Variants in ANKRD36 observed in about 807,000 individuals in gnomAD.
The protein encoded by ANKRD36 is ankyrin repeat domain-containing protein 36A.
Under a neutral mutation model 278.1 loss-of-function variants are expected in ANKRD36, and 179 were observed. The ratio of observed to expected loss-of-function variants is 0.64; its 90% CI spans 0.57 to 0.73. The LOEUF is 0.73. Ranked by LOEUF, ANKRD36 falls within the 30% of genes least tolerant of loss-of-function variation. The probability of loss-of-function intolerance (pLI) is 0.00; values close to 1 mark genes in which losing one functional copy is unlikely to be tolerated. For missense variants in ANKRD36, 1,159 were observed against 1,956.7 expected, an observed-to-expected ratio of 0.59 and a Z score of 7.69; for synonymous variants, 320 against 641.1, an observed-to-expected ratio of 0.50 and a Z score of 7.57.
chr2:97,191,119 A>C lies in ANKRD36; in HGVS notation c.2285A>C (p.Asp762Ala), dbSNP rs768248659. 3.1e-5 allele frequency: 50 copies of C among 1,597,886 alleles called. No individual in the cohort carries two copies. Among genetic ancestry groups the C allele is most frequent in the Non-Finnish European group, 1.0e-5 (12 of 1,172,372 alleles). The change falls in exon 36 of 76, where the codon GAT (aspartate) becomes GCT (alanine). Residue 762 changes from aspartate to alanine, a missense_variant. Physicochemically the swap from Asp to Ala is moderately radical, Grantham distance 126. Coordinates refer to ENST00000420699, the MANE Select transcript of ANKRD36 (RefSeq NM_001354587.1). Reference sequence around the variant, plus strand: ...TCAAATTCCATTCAGGCTACAACTGATGAGAAAGATTCTGTTTCGAACATA... The same window carrying C: ...TCAAATTCCATTCAGGCTACAACTGCTGAGAAAGATTCTGTTTCGAACATA... Reference protein sequence around the residue: ...QKQPALKATTDEKDSVSNIAT... With the variant: ...QKQPALKATTAEKDSVSNIAT...
chr2:97,237,205 A>G (rs1475656014), intron 68 of ANKRD36, among the ~76,000 whole-genome samples: 1 of 151,578 alleles, frequency 6.6e-6, no homozygotes, highest in East Asian at 2.0e-4. Context: ...TCCTGTCAAA[A>G]TTGAGAGGGA....
chr2:97,125,782 A>T (rs1389755926), intron 5 of ANKRD36, among the ~76,000 whole-genome samples: 1 of 151,914 alleles, frequency 6.6e-6, no homozygotes, highest in Non-Finnish European at 1.5e-5. Flanking sequence ...TTCGGATTCT[A>T]TTTCACAGGA....
In ANKRD36 at chr2:97,192,973, C is replaced by G; in HGVS notation, c.2377-8C>G. ...TTAATTTATTATTTCATTTGAAATTCCATTCAGGCTACAAGTGACGAGGAA... is the reference window on the plus strand; with the variant it reads ...TTAATTTATTATTTCATTTGAAATTGCATTCAGGCTACAAGTGACGAGGAA... On this transcript the variant is annotated splice_region_variant and splice_polypyrimidine_tract_variant and intron_variant, in intron 37 of 75. Transcript: ENST00000420699. 6.3e-7 allele frequency: 1 copy of G among 1,583,898 alleles called. No individual in the cohort carries two copies. Among genetic ancestry groups the G allele is most frequent in the Non-Finnish European group, 8.6e-7 (1 of 1,165,252 alleles).
chr2:97,198,644 A>C lies in ANKRD36; in HGVS notation c.2741A>C (p.Glu914Ala), dbSNP rs2060469366. ...ATAGCCAGAGGAAAAAAGGATGGAG[A>C]AAAAACTAAGAGAGGTAATTTTGAA... ...LNIARGKKDGEKTKRVSSRKK... is the reference protein window; with the variant it reads ...LNIARGKKDGAKTKRVSSRKK... The change falls in exon 44 of 76, where the codon GAA (glutamate) becomes GCA (alanine). Residue 914 changes from glutamate to alanine, a missense_variant. Glu to Ala is a moderately radical substitution (Grantham distance 107). Coordinates refer to ENST00000420699, the MANE Select transcript of ANKRD36 (RefSeq NM_001354587.1). 1 of 1,543,020 alleles carries C rather than the reference A, an allele frequency of 6.5e-7. No individual in the cohort carries two copies. The highest frequency in any genetic ancestry group is 1.4e-5 in the African/African-American group (1 of 72,744).
chr2:97,151,024 G>A lies in ANKRD36; in HGVS notation c.1102-855G>A, dbSNP rs568135219. Among the ~76,000 whole-genome samples, 11 of 141,516 alleles carry A rather than the reference G, an allele frequency of 7.8e-5. No homozygotes were observed. In the East Asian group the frequency reaches 1.7e-3, roughly 22 times the overall value. 92.8% of individuals were successfully genotyped at this position (141,516 alleles called of 152,430 possible). A position where few individuals can be genotyped will look rare whatever the true frequency, so the allele number is the denominator to read the frequency against. On this transcript the variant is annotated intron_variant, in intron 12 of 75. Transcript: ENST00000420699. The stretch of plus-strand genomic sequence containing the variant: ...AAGTATTTACACAAAACAAATTGTC[G>A]AGTAAATGCTAACCAGTATTATTAG...
chr2:97,181,783 A>G lies in ANKRD36; in HGVS notation c.1827A>G (p.Gln609=), dbSNP rs1171477131. ...NIATEIKKGQ[Q]SGTVSPQKQS... is the part of the protein sequence containing the mutation. ...CCACAGAAATAAAGAAGGGACAACA[A>G]TCTGGGACAGGTAATTTTGCAAAAC... Residue 609 remains glutamine (Q), a synonymous_variant, in exon 26 of 76, where the codon CAA becomes CAG. Coordinates refer to ENST00000420699, the MANE Select transcript of ANKRD36 (RefSeq NM_001354587.1). 6.2e-7 allele frequency: 1 copy of G among 1,608,776 alleles called. No homozygotes were observed. Among genetic ancestry groups the G allele is most frequent in the Non-Finnish European group, 8.5e-7 (1 of 1,178,060 alleles).
chr2:97,157,918 T>A (rs1163603669), intron 15 of ANKRD36, among the ~76,000 whole-genome samples, 189 bp from the exon 16 acceptor site: 1 of 151,976 alleles, frequency 6.6e-6, no homozygotes, highest in Admixed American at 6.6e-5. Context: ...TTTGAGAATA[T>A]CTGTATCACC....
At chr2:97,211,889 AC>A in intron 58 of ANKRD36, 148 bp downstream of exon 58, 1 of 1,111,582 alleles carries the variant, frequency 9.0e-7, no homozygotes, top group Non-Finnish European at 1.3e-6. Context: ...TTCTCGGGTG[AC>A]CCTGATGCTG....
In ANKRD36 at chr2:97,191,389, T is replaced by TGG. The variant is rs561268344; in HGVS notation, c.2347+208_2347+209insGG. On this transcript the variant is annotated intron_variant, in intron 36 of 75. Transcript: ENST00000420699. ...CAGTAAGATTATACACTTCCCCACA[T>TGG]TCAAATTTGGAAGAAGAAATATGGA... Among the ~76,000 whole-genome samples, 146 of 151,812 alleles carry TGG rather than the reference T, an allele frequency of 9.6e-4. 1 individual carries two copies. Among genetic ancestry groups the TGG allele is most frequent in the Middle Eastern group, 6.8e-3 (2 of 294 alleles).
At chr2:97,126,762 A>G (rs891715423) in intron 5 of ANKRD36, among the ~76,000 whole-genome samples, 5 of 151,714 alleles carry the variant, frequency 3.3e-5, no homozygotes, top group African/African-American at 1.2e-4. Flanking sequence ...AACTTGTTTA[A>G]GAGCAAATAC....
chr2:97,197,169 G>T (rs1351627904), intron 42 of ANKRD36, among the ~76,000 whole-genome samples: 1 of 151,878 alleles, frequency 6.6e-6, no homozygotes, highest in Non-Finnish European at 1.5e-5. Context: ...CAGAAAACTT[G>T]TTGTAATAAC....
Position 97,209,836 on chromosome 2 carries a change from G to A in ANKRD36, c.3331G>A (p.Ala1111Thr), listed in dbSNP as rs182774301. The change falls in exon 56 of 76, where the codon GCC becomes ACC. Residue 1111 changes from alanine (A) to threonine (T), a missense_variant. Ala to Thr is a moderately conservative substitution (Grantham distance 58). Transcript: ENST00000420699. Reference protein sequence around the residue: ...SDEKDSVLYIAREKKDGEKSR... With the variant: ...SDEKDSVLYITREKKDGEKSR... ...CGAGAAAGATTCTGTTTTGTATATA[G>A]CCAGAGAAAAAAAGGATGGAGAAAA... 1.2e-5 allele frequency: 19 copies of A among 1,595,042 alleles called. No homozygotes were observed. In the East Asian group the frequency reaches 3.2e-4, roughly 27 times the overall value.
intron 67 of ANKRD36, among the ~76,000 whole-genome samples, chr2:97,228,924 A>T (rs1333464942): frequency 3.9e-5 from 6 of 152,032 alleles, no homozygotes; most frequent in Non-Finnish European, 8.8e-5. Context: ...CAGGTTGTTC[A>T]GTTTCCATGT....
At chr2:97,194,006 A>G (rs1294326128) in intron 38 of ANKRD36, among the ~76,000 whole-genome samples, 1 of 151,632 alleles carries the variant, frequency 6.6e-6, no homozygotes, top group African/African-American at 2.4e-5. Context: ...TACTTTGTAG[A>G]AGTATGTCAA....
chr2:97,129,535 A>C (rs2039519816), intron 6 of ANKRD36, among the ~76,000 whole-genome samples: 1 of 152,084 alleles, frequency 6.6e-6, no homozygotes, highest in Non-Finnish European at 1.5e-5. Flanking sequence ...TTTAGACGTG[A>C]AGTCCTTGCC....
rs182919093 is a variant in ANKRD36 at position 97,183,483 on chromosome 2, G to A, written c.1862G>A (p.Trp621Ter). ...GTVSPQKQSA[W>*]KVIFKKKVSL... The stretch of plus-strand genomic sequence containing the variant: ...GTGTCTCCTCAGAAACAATCGGCCT[G>A]GAAGGTAGTTACTCTTTCATTTATA... Residue 621 changes from tryptophan (W) to a stop codon, truncating the protein, a stop_gained, in exon 27 of 76, where the codon TGG becomes TAG. Coordinates refer to ENST00000420699, the MANE Select transcript of ANKRD36 (RefSeq NM_001354587.1). LOFTEE classifies it high-confidence loss of function. The A allele has an allele frequency of 4.4e-4, 683 of 1,563,300 alleles. 1 individual carries two copies. The highest frequency in any genetic ancestry group is 1.8e-3 in the African/African-American group (133 of 72,920).
intron 50 of ANKRD36, among the ~76,000 whole-genome samples, chr2:97,204,692 G>T (rs1252440371): frequency 1.3e-5 from 2 of 151,630 alleles, no homozygotes; most frequent in African/African-American, 4.8e-5. Flanking sequence ...GACCCCTGGT[G>T]TAGCAACAGT....
chr2:97,206,495 C>T (rs1442902660), intron 52 of ANKRD36, among the ~76,000 whole-genome samples: 1 of 151,426 alleles, frequency 6.6e-6, no homozygotes, highest in Non-Finnish European at 1.5e-5. Flanking sequence ...CATCATACTG[C>T]TAAAAACAGA....
chr2:97,225,673 G>A (rs2069247033), intron 67 of ANKRD36, among the ~76,000 whole-genome samples: 1 of 151,936 alleles, frequency 6.6e-6, no homozygotes, highest in African/African-American at 2.4e-5. Context: ...CTTGCACAAT[G>A]TGCAGGTTAG....
Sources: gnomAD v4.1 joint callset for allele counts (sites outside exome capture counted in the v4.1 genomes callset) on GRCh38, gnomAD v4.1.1 for gene constraint, MANE v1.5 for transcripts, NCBI Gene and HGNC (gene_info 2026-07-23, HGNC 2026-07-21) for gene names.